The following RAB2A variants were observed in gnomAD, a reference collection of about 807,000 sequenced individuals.
RAB2A encodes the protein ras-related protein Rab-2A.
RAB2A carries 7 observed loss-of-function variants against 32.5 expected under a neutral mutation model. The observed-to-expected ratio is 0.22, with a 90% confidence interval of 0.12 to 0.40. The LOEUF (loss-of-function observed/expected upper bound fraction) is 0.40. Ranked by LOEUF, RAB2A falls within the 10% of genes least tolerant of loss-of-function variation. The pLI, the probability that RAB2A is intolerant of heterozygous loss-of-function variation, is 1.00. For synonymous variants in RAB2A, 79 were observed against 85.2 expected, an observed-to-expected ratio of 0.93 and a Z score of 0.40; for missense variants, 108 against 260.7, an observed-to-expected ratio of 0.41 and a Z score of 4.03.
chr8:60,569,957 A>G (rs1220079594), intron 2 of RAB2A: 3 of 456,152 alleles, frequency 6.6e-6, no homozygotes, highest in Non-Finnish European at 1.3e-5. Flanking sequence ...TTGGGCAGGA[A>G]CAAAGCATCT....
At chr8:60,605,976 T>C (rs2150434833) in intron 6 of RAB2A, among the ~76,000 whole-genome samples, 1 of 151,942 alleles carries the variant, frequency 6.6e-6, no homozygotes, top group South Asian at 2.1e-4. Flanking sequence ...TGGTGAAACC[T>C]CATCTGTACT....
chr8:60,559,020 C>G lies in RAB2A; in HGVS notation c.118+97C>G. ...ATTCTACTAGTGATGATGCTAAAAT[C>G]AGTGAAACTGGATTTGTTGTTACGC... On this transcript the variant is annotated intron_variant, in intron 2 of 7. Coordinates refer to ENST00000262646, the MANE Select transcript of RAB2A (RefSeq NM_002865.3). The G allele has an allele frequency of 9.5e-6, 8 of 842,602 alleles. 1 individual carries two copies. The South Asian group carries it at 1.2e-4, about 13-fold the overall frequency. The allele number at this position is 842,602 out of a possible 1,614,324, so 52.2% of individuals were successfully genotyped here. A position where few individuals can be genotyped will look rare whatever the true frequency, so the allele number is the denominator to read the frequency against.
At chr8:60,581,829 G>T (rs1200485370) in intron 3 of RAB2A, among the ~76,000 whole-genome samples, 1 of 151,664 alleles carries the variant, frequency 6.6e-6, no homozygotes, top group Non-Finnish European at 1.5e-5. Flanking sequence ...GCAACATGGT[G>T]AAACCTGGTC....
intron 2 of RAB2A, among the ~76,000 whole-genome samples, chr8:60,570,685 A>G (rs1181555565): frequency 2.0e-5 from 3 of 152,064 alleles, no homozygotes; most frequent in Non-Finnish European, 2.9e-5. Context: ...TCTTTTCTCT[A>G]GCTTTCCTGT....
intron 2 of RAB2A, among the ~76,000 whole-genome samples, chr8:60,559,767 G>A (rs1285049516): frequency 1.3e-5 from 2 of 152,142 alleles, no homozygotes; most frequent in African/African-American, 4.8e-5. Flanking sequence ...TCTTTACAAC[G>A]AATTGCTTAA....
At chr8:60,556,514 C>T (rs1355056842) in intron 1 of RAB2A, among the ~76,000 whole-genome samples, 1 of 151,350 alleles carries the variant, frequency 6.6e-6, no homozygotes, top group Non-Finnish European at 1.5e-5. Context: ...TTTAAGAACA[C>T]GGAAACTAGG....
intron 1 of RAB2A, among the ~76,000 whole-genome samples, chr8:60,529,384 A>AG (rs1807441821): frequency 6.6e-6 from 1 of 151,834 alleles, no homozygotes. Flanking sequence ...CTTTGGGGAG[A>AG]GATGTTAAAA....
intron 6 of RAB2A, among the ~76,000 whole-genome samples, chr8:60,615,754 T>A (rs1804438323): frequency 1.3e-5 from 2 of 152,180 alleles, no homozygotes; most frequent in African/African-American, 4.8e-5. Flanking sequence ...CCACATATTT[T>A]ATTGTTTGTG....
chr8:60,519,341 C>G (rs77518198), intron 1 of RAB2A, among the ~76,000 whole-genome samples: 1 of 148,630 alleles, frequency 6.7e-6, no homozygotes, highest in African/African-American at 2.6e-5. Context: ...CTATTCCCCA[C>G]CTTGCTTCTG....
intron 6 of RAB2A, among the ~76,000 whole-genome samples, chr8:60,606,020 G>A (rs958592166): frequency 1.3e-5 from 2 of 152,092 alleles, no homozygotes; most frequent in African/African-American, 4.8e-5. Flanking sequence ...GTGGTGGCTT[G>A]CGCCTGTAGT....
At chr8:60,582,465 ATTATT>A (rs1420487501) in intron 3 of RAB2A, among the ~76,000 whole-genome samples, 2 of 152,158 alleles carry the variant, frequency 1.3e-5, no homozygotes, top group African/African-American at 2.4e-5. Context: ...TGGAGTACTG[ATTATT>A]TTACGCATAT....
chr8:60,532,738 G>C (rs994401599), intron 1 of RAB2A, among the ~76,000 whole-genome samples: 1 of 152,130 alleles, frequency 6.6e-6, no homozygotes, highest in African/African-American at 2.4e-5. Flanking sequence ...TCAAATTCCC[G>C]GGCTCAAGCA....
intron 1 of RAB2A, among the ~76,000 whole-genome samples, chr8:60,534,886 A>G (rs1225308032): frequency 7.0e-6 from 1 of 141,986 alleles, no homozygotes; most frequent in Non-Finnish European, 1.6e-5. Flanking sequence ...AGATATTTGT[A>G]CAATAATAAG....
intron 7 of RAB2A, 64 bp downstream of exon 7, chr8:60,618,712 TA>T: frequency 1.7e-6 from 1 of 573,320 alleles, no homozygotes. Context: ...TACTATTTTA[TA>T]TTTTTTATTT....
chr8:60,584,672 T>G (rs753767228), intron 4 of RAB2A, 51 bp from the exon 5 acceptor site: 3 of 1,426,422 alleles, frequency 2.1e-6, no homozygotes. Flanking sequence ...GTTCGTTGTA[T>G]ACTGAGGGAA....
chr8:60,576,265 T>C (rs2981277), intron 3 of RAB2A: 202,419 of 455,990 alleles, frequency 0.44, 47,374 homozygotes, highest in African/African-American at 0.64. Flanking sequence ...ACGTTGCCCC[T>C]GGTTTCTGTT....
At chr8:60,530,407 A>G (rs1230461715) in intron 1 of RAB2A, among the ~76,000 whole-genome samples, 1 of 151,930 alleles carries the variant, frequency 6.6e-6, no homozygotes, top group Non-Finnish European at 1.5e-5. Flanking sequence ...CAACCTCTCA[A>G]AGTGCTGGGA....
intron 1 of RAB2A, among the ~76,000 whole-genome samples, chr8:60,529,167 C>T (rs912384619): frequency 6.6e-6 from 1 of 151,820 alleles, no homozygotes; most frequent in Non-Finnish European, 1.5e-5. Flanking sequence ...CACTTAGAGA[C>T]TGTAGGCTAT....
intron 1 of RAB2A, among the ~76,000 whole-genome samples, chr8:60,518,616 A>AAG (rs1807251248): frequency 6.9e-6 from 1 of 145,444 alleles, no homozygotes; most frequent in Non-Finnish European, 1.5e-5. Context: ...AAAAAAAAAA[A>AAG]AAAAAAAGCA....
Sources: allele counts gnomAD v4.1 joint callset (sites outside exome capture counted in the v4.1 genomes callset), GRCh38; gene constraint gnomAD v4.1.1; transcripts MANE v1.5; gene names NCBI Gene and HGNC (gene_info 2026-07-23, HGNC 2026-07-21).